Variants in PTPRO observed in about 807,000 individuals in gnomAD.
The protein encoded by PTPRO is receptor-type tyrosine-protein phosphatase O.
A neutral mutation model predicts 145.2 loss-of-function variants in PTPRO; 62 were observed. The observed-to-expected ratio is 0.43, with a 90% CI of 0.35 to 0.53. PTPRO has a LOEUF of 0.53. Ranked by LOEUF, PTPRO falls within the 20% of genes least tolerant of loss-of-function variation. The pLI is 0.01. For synonymous variants in PTPRO, 565 were observed against 514.7 expected, an observed-to-expected ratio of 1.10 and a Z score of -1.32; for missense variants, 1,345 against 1,482.7, an observed-to-expected ratio of 0.91 and a Z score of 1.53.
intron 1 of PTPRO, among the ~76,000 whole-genome samples, chr12:15,360,823 TGTGTGTATATATATAC>T (rs1437244278): frequency 1.5e-5 from 2 of 132,688 alleles, no homozygotes; most frequent in Non-Finnish European, 3.4e-5. Flanking sequence ...TGTATATATG[TGTGTGTATATATATAC>T]GTGTGTATAT....
At chr12:15,464,456 G>C (rs2136402760) in intron 1 of PTPRO, among the ~76,000 whole-genome samples, 1 of 152,048 alleles carries the variant, frequency 6.6e-6, no homozygotes, top group South Asian at 2.1e-4. Flanking sequence ...CTGGGTTCAA[G>C]GGATTCTCCT....
At chr12:15,533,674 G>T (rs1943010942) in intron 12 of PTPRO, among the ~76,000 whole-genome samples, 1 of 152,088 alleles carries the variant, frequency 6.6e-6, no homozygotes, top group South Asian at 2.1e-4. Context: ...GTTTTTTACA[G>T]AACTTTCATT....
intron 1 of PTPRO, among the ~76,000 whole-genome samples, chr12:15,403,987 G>C (rs1484819034): frequency 1.3e-5 from 2 of 151,960 alleles, no homozygotes; most frequent in Non-Finnish European, 2.9e-5. Flanking sequence ...CAGAGGTCAG[G>C]AGATCGAGAC....
intron 16 of PTPRO, 29 bp from the exon 17 acceptor site, chr12:15,560,164 T>C (rs1299023140): frequency 6.7e-7 from 1 of 1,502,630 alleles, no homozygotes; most frequent in Non-Finnish European, 9.3e-7. Flanking sequence ...TTTTTCATCT[T>C]TCCATCTGTT....
intron 1 of PTPRO, among the ~76,000 whole-genome samples, chr12:15,400,792 T>C (rs1591777479): frequency 1.3e-5 from 2 of 152,244 alleles, no homozygotes; most frequent in Non-Finnish European, 1.5e-5. Context: ...CCTACCTTCA[T>C]GTATCTTCCA....
chr12:15,550,367 G>A (rs1173279741), intron 14 of PTPRO, among the ~76,000 whole-genome samples: 3 of 152,160 alleles, frequency 2.0e-5, no homozygotes, highest in African/African-American at 7.2e-5. Context: ...TGAGGAGGAG[G>A]AGGAAGAGGA....
chr12:15,374,667 A>G (rs1385171954), intron 1 of PTPRO, among the ~76,000 whole-genome samples: 2 of 152,202 alleles, frequency 1.3e-5, no homozygotes, highest in East Asian at 1.9e-4. Context: ...TTCAGAAACC[A>G]AAAGCCCTAT....
intron 1 of PTPRO, among the ~76,000 whole-genome samples, chr12:15,327,546 C>T (rs1866482072): frequency 6.6e-6 from 1 of 152,222 alleles, no homozygotes; most frequent in Non-Finnish European, 1.5e-5. Flanking sequence ...TTTCTACACC[C>T]TGGTCTTGGT....
intron 1 of PTPRO, among the ~76,000 whole-genome samples, chr12:15,449,390 C>G (rs1028703211): frequency 6.6e-6 from 1 of 152,186 alleles, no homozygotes; most frequent in African/African-American, 2.4e-5. Flanking sequence ...GAGTCCTTCT[C>G]AGACCATATT....
intron 13 of PTPRO, among the ~76,000 whole-genome samples, chr12:15,548,113 G>T (rs1401556123): frequency 6.6e-6 from 1 of 151,728 alleles, no homozygotes; most frequent in Non-Finnish European, 1.5e-5. Context: ...AGTCAAAAAA[G>T]GTAAAGGTCA....
chr12:15,369,962 GA>G (rs1218343646), intron 1 of PTPRO, among the ~76,000 whole-genome samples: 1 of 152,146 alleles, frequency 6.6e-6, no homozygotes, highest in African/African-American at 2.4e-5. Flanking sequence ...TGAGACAGGA[GA>G]ATTGCTTGAA....
chr12:15,322,945 G>C lies in PTPRO; in HGVS notation c.75+144G>C, dbSNP rs986273374. 26 of 770,368 alleles carry C rather than the reference G, an allele frequency of 3.4e-5. No individual in the cohort carries two copies. The highest frequency in any genetic ancestry group is 7.4e-4 in the Middle Eastern group (2 of 2,686). 47.7% of individuals were successfully genotyped at this position (770,368 alleles called of 1,614,324 possible). ...CGCCTGCCGTGCAGCCTGGGCGCAC[G>C]CTTTGTTGTCCTCGCGTGTGCGTGT... On this transcript the variant is annotated intron_variant, in intron 1 of 26. Coordinates refer to ENST00000281171, the MANE Select transcript of PTPRO (RefSeq NM_030667.3). This position sits in a 1 kb window ranked among gnomAD's most constrained non-coding sequence, Gnocchi z 6.3.
At chr12:15,326,755 T>A (rs985443195) in intron 1 of PTPRO, among the ~76,000 whole-genome samples, 1 of 152,188 alleles carries the variant, frequency 6.6e-6, no homozygotes, top group African/African-American at 2.4e-5. Flanking sequence ...TGTGGCACAA[T>A]AGAAGGCTTA....
intron 1 of PTPRO, among the ~76,000 whole-genome samples, chr12:15,384,902 A>G (rs1468512344): frequency 6.6e-6 from 1 of 152,232 alleles, no homozygotes; most frequent in Non-Finnish European, 1.5e-5. Flanking sequence ...AGAAAATATT[A>G]ATGAACGCTG....
chr12:15,589,781 A>G (rs1944508595), intron 25 of PTPRO, among the ~76,000 whole-genome samples, 191 bp downstream of exon 25: 1 of 152,200 alleles, frequency 6.6e-6, no homozygotes, highest in Admixed American at 6.5e-5. Context: ...TCCATTCGAC[A>G]TATAGTGATT....
At chr12:15,525,582 T>C (rs7305789) in intron 11 of PTPRO, among the ~76,000 whole-genome samples, 65,105 of 151,990 alleles carry the variant, frequency 0.43, 14,429 homozygotes, top group African/African-American at 0.52. Context: ...ACATGCATGT[T>C]CCAGCCTGCA....
intron 12 of PTPRO, chr12:15,546,312 G>A (rs1399622190): frequency 7.7e-7 from 1 of 1,296,936 alleles, no homozygotes. Context: ...TTATGACTAT[G>A]ATGAAACTGA....
At chr12:15,515,816 A>C (rs1041740362) in intron 8 of PTPRO, among the ~76,000 whole-genome samples, 198 bp downstream of exon 8, 2 of 152,022 alleles carry the variant, frequency 1.3e-5, no homozygotes, top group Non-Finnish European at 2.9e-5. Context: ...TTGGGGAAAA[A>C]ATCAGAGGCA....
Position 15,586,972 on chromosome 12 carries a change from G to A in PTPRO, c.3331G>A (p.Ala1111Thr), listed in dbSNP as rs769681890. 5.6e-6 allele frequency: 9 copies of A among 1,614,106 alleles called. No homozygotes were observed. Among genetic ancestry groups the A allele is most frequent in the Admixed American group, 5.0e-5 (3 of 60,024 alleles). Reference sequence around the variant, plus strand: ...TCATGGTGTGCCCACAGCAAATGCTGCAGAAAGTATCCTGCAGTTTGTACA... The same window carrying A: ...TCATGGTGTGCCCACAGCAAATGCTACAGAAAGTATCCTGCAGTTTGTACA... The part of the protein sequence containing the change: ...PDHGVPTANA[A>T]ESILQFVHMV... Residue 1111 changes from alanine to threonine, a missense_variant, in exon 24 of 27, where the codon GCA (alanine) becomes ACA (threonine). Ala to Thr is a moderately conservative substitution (Grantham distance 58, BLOSUM62 0). Transcript: ENST00000281171.
Sources: gnomAD v4.1 joint callset for allele counts (sites outside exome capture counted in the v4.1 genomes callset) on GRCh38, gnomAD v4.1.1 for gene constraint, Gnocchi (gnomAD v3.1) non-coding constraint, MANE v1.5 for transcripts, NCBI Gene and HGNC (gene_info 2026-07-23, HGNC 2026-07-21) for gene names.